Variants in CECR2 observed in about 807,000 individuals in gnomAD.
CECR2 encodes the protein CECR2 histone acetyl-lysine reader.
A neutral mutation model predicts 154.5 loss-of-function variants in CECR2; 30 were observed. That is an observed-to-expected ratio of 0.19 (90% confidence interval 0.15 to 0.26). CECR2 has a LOEUF of 0.26. Among genes scored for constraint, CECR2 ranks in the 10% least tolerant of loss-of-function variants. The pLI, the probability that CECR2 is intolerant of heterozygous loss-of-function variation, is 1.00. For missense variants in CECR2, 1,743 were observed against 1,829.3 expected (o/e 0.95, Z 0.86); for synonymous variants, 725 against 683.7 (o/e 1.06, Z -0.94).
In CECR2 at chr22:17,475,827, C is replaced by T. The variant is rs547984366; in HGVS notation, c.127-1761C>T. Among the ~76,000 whole-genome samples, 3 of 152,118 alleles carry T rather than the reference C, an allele frequency of 2.0e-5. No individual in the cohort carries two copies. The East Asian group carries it at 5.8e-4, about 29-fold the overall frequency. On this transcript the variant is annotated intron_variant, in intron 1 of 18. Coordinates refer to ENST00000262608, the MANE Select transcript of CECR2 (RefSeq NM_001290047.2). ...TTTACTTGTGGCAGATCTTGAATTCCTATTTCTCCGTTCTCTCATTTAGTA... is the reference window on the plus strand; with the variant it reads ...TTTACTTGTGGCAGATCTTGAATTCTTATTTCTCCGTTCTCTCATTTAGTA...
At chr22:17,408,553 A>G (rs948539467) in intron 1 of CECR2, among the ~76,000 whole-genome samples, 1 of 152,096 alleles carries the variant, frequency 6.6e-6, no homozygotes, top group East Asian at 1.9e-4. Flanking sequence ...TTTTAATCCT[A>G]CACTGATTGC....
intron 8 of CECR2, among the ~76,000 whole-genome samples, chr22:17,522,533 G>A (rs1051046340): frequency 6.6e-6 from 1 of 152,152 alleles, no homozygotes; most frequent in Non-Finnish European, 1.5e-5. Context: ...TCTGGCTATA[G>A]GATAAAGATT....
chr22:17,552,051 A>G lies in CECR2; in HGVS notation c.4298A>G (p.Gln1433Arg). The G allele has an allele frequency of 2.5e-6, 4 of 1,614,026 alleles. No individual in the cohort carries two copies. The highest frequency in any genetic ancestry group is 2.5e-6 in the Non-Finnish European group (3 of 1,179,906). The change falls in exon 18 of 19, where the codon CAG becomes CGG. Residue 1433 changes from glutamine to arginine, a missense_variant. Gln to Arg is a conservative substitution (Grantham distance 43). Around this residue, in one of 4 missense-constraint regions of CECR2, gnomAD observed 1,250 missense variants for 1,192.1 expected, o/e 1.05. Coordinates refer to ENST00000262608, the MANE Select transcript of CECR2 (RefSeq NM_001290047.2). ...RPSGMQMHPV[Q>R]SQASFPKTPT... ...TGTAGAATGCAGATGCACCCGGTCC[A>G]GTCGCAGGCCTCGTTCCCAAAGACC...
At position 17,540,556 on chromosome 22, in the gene CECR2, G is replaced by A; in HGVS notation, c.1640G>A (p.Arg547Gln). 3.1e-6 allele frequency: 5 copies of A among 1,612,686 alleles called. No homozygotes were observed. Among genetic ancestry groups the A allele is most frequent in the African/African-American group, 1.3e-5 (1 of 75,060 alleles). Residue 547 changes from arginine (R) to glutamine (Q), a missense_variant, in exon 14 of 19, where the codon CGA becomes CAA. Coordinates refer to ENST00000262608, the MANE Select transcript of CECR2 (RefSeq NM_001290047.2). ...GAGAAAAGACGGAGTCGGGCTGGGC[G>A]AAGTGGTGGGAGCCATGTTTGGACC... is the stretch of plus-strand genomic sequence containing the variant. ...KREKRRSRAG[R>Q]SGGSHVWTRS...
intron 1 of CECR2, among the ~76,000 whole-genome samples, chr22:17,376,034 A>T (rs2063115422): frequency 6.6e-6 from 1 of 152,190 alleles, no homozygotes; most frequent in African/African-American, 2.4e-5. Flanking sequence ...AATGCCTTCT[A>T]AAGATTCAGG....
rs186750223 is a variant in CECR2, at chr22:17,451,017, C to T, written c.127-26571C>T. Among the ~76,000 whole-genome samples, 32 of 152,348 alleles carry T rather than the reference C, an allele frequency of 2.1e-4. No homozygotes were observed. The East Asian group carries it at 6.0e-3, about 28-fold the overall frequency. On this transcript the variant is annotated intron_variant, in intron 1 of 18. Transcript: ENST00000262608. ...AGCTAGAGTAATGAACGTGTCAGAG[C>T]CTGACCTGCTTATAAGCGTTCCCAC...
rs537957035 is a variant in CECR2, at chr22:17,503,103, C to G, written c.672C>G (p.Ser224=). The G allele has an allele frequency of 1.2e-6, 2 of 1,610,096 alleles. No homozygotes were observed. Among genetic ancestry groups the G allele is most frequent in the East Asian group, 4.5e-5 (2 of 44,734 alleles). The change falls in exon 6 of 19, where the codon TCC becomes TCG. Residue 224 remains serine (S), a synonymous_variant. Transcript: ENST00000262608. ...TCAGTGAAAAGCAGGAAGAAAATTC[C>G]TTGGCATCCGAGCCACAGACAAGAC... ...ILLSEKQEEN[S]LASEPQTRHG... is the part of the protein sequence containing the mutation.
intron 1 of CECR2, among the ~76,000 whole-genome samples, chr22:17,413,796 C>G (rs2054102713): frequency 6.6e-6 from 1 of 150,920 alleles, no homozygotes; most frequent in South Asian, 2.1e-4. Flanking sequence ...CCTGCCTCAG[C>G]TTCCCGAGTA....
Position 17,555,724 on chromosome 22 carries a change from A to G in CECR2, c.*2884A>G, listed in dbSNP as rs1288098841. The G allele has an allele frequency of 1.3e-5, 2 of 152,218 alleles. No homozygotes were observed. The highest frequency in any genetic ancestry group is 2.9e-5 in the Non-Finnish European group (2 of 68,038). 9.4% of individuals were successfully genotyped at this position (152,218 alleles called of 1,614,324 possible). On this transcript the variant is annotated 3_prime_UTR_variant, in exon 19 of 19. Coordinates refer to ENST00000262608, the MANE Select transcript of CECR2 (RefSeq NM_001290047.2). ...ATATTTAGGAAGTAGTGTGTAAGGT[A>G]TCCTGAAAAGGTTTGCTCTCAAGCT...
rs771321397 is a variant in CECR2, at chr22:17,540,624, A to T, written c.1708A>T (p.Met570Leu). 1.2e-6 allele frequency: 2 copies of T among 1,613,750 alleles called. No homozygotes were observed. The highest frequency in any genetic ancestry group is 2.2e-5 in the South Asian group (2 of 91,000). Residue 570 changes from methionine (M) to leucine (L), a missense_variant, in exon 14 of 19, where the codon ATG becomes TTG. Physicochemically the swap from Met to Leu is conservative, Grantham distance 15. This residue lies in a region of CECR2 where 1,250 missense variants were observed against 1,192.1 expected (regional missense o/e 1.05). Transcript: ENST00000262608. ...AGGGTCCAGCAGGAAACAGCAGCCCATGGAGAATGGAGGAAAGTCGTTGCC... is the reference window on the plus strand; with the variant it reads ...AGGGTCCAGCAGGAAACAGCAGCCCTTGGAGAATGGAGGAAAGTCGTTGCC... ...PEGSSRKQQP[M>L]ENGGKSLPPT...
intron 6 of CECR2, among the ~76,000 whole-genome samples, chr22:17,504,282 G>A (rs2055793938): frequency 6.6e-6 from 1 of 151,714 alleles, no homozygotes; most frequent in African/African-American, 2.4e-5. Context: ...TGCTGAGATG[G>A]GAAGATGGCT....
intron 1 of CECR2, among the ~76,000 whole-genome samples, chr22:17,378,109 G>T (rs908206002): frequency 1.3e-5 from 2 of 151,060 alleles, no homozygotes; most frequent in African/African-American, 4.9e-5. Context: ...TCAGCCTCCT[G>T]AGTAGCTGGG....
chr22:17,546,485 CAAA>C (rs35754406), intron 16 of CECR2, among the ~76,000 whole-genome samples: 2 of 67,646 alleles, frequency 3.0e-5, no homozygotes, highest in South Asian at 5.8e-4. Context: ...GACTCTGTCT[CAAA>C]AAAAAAAAAA....
chr22:17,380,401 A>G (rs1372297447), intron 1 of CECR2, among the ~76,000 whole-genome samples: 7 of 152,236 alleles, frequency 4.6e-5, no homozygotes, highest in Admixed American at 1.3e-4. Flanking sequence ...TGGCCTTTAC[A>G]AAAGACATTG....
rs1310130562 is a variant in CECR2, at chr22:17,505,111, G to C, written c.870+95G>C. On this transcript the variant is annotated intron_variant, in intron 7 of 18. Transcript: ENST00000262608. ...TGAGACCTTCCCCATACACCCCACTGTCCTGGAAATAGTGCAGTCTTCCAT... is the reference window on the plus strand; with the variant it reads ...TGAGACCTTCCCCATACACCCCACTCTCCTGGAAATAGTGCAGTCTTCCAT... 1.1e-5 allele frequency: 14 copies of C among 1,235,876 alleles called. 1 individual carries two copies. In the South Asian group the frequency reaches 2.0e-4, roughly 18 times the overall value. 76.6% of individuals were successfully genotyped at this position (1,235,876 alleles called of 1,614,324 possible). A position where few individuals can be genotyped will look rare whatever the true frequency, so the allele number is the denominator to read the frequency against.
chr22:17,465,340 G>GT (rs565434867), intron 1 of CECR2, among the ~76,000 whole-genome samples: 46 of 148,130 alleles, frequency 3.1e-4, no homozygotes, highest in African/African-American at 8.0e-4. Context: ...TTTGTTTTTT[G>GT]TTTTTTTGAG....
chr22:17,484,653 C>A (rs1369031463), intron 2 of CECR2, among the ~76,000 whole-genome samples: 2 of 152,098 alleles, frequency 1.3e-5, no homozygotes, highest in Non-Finnish European at 2.9e-5. Flanking sequence ...GTAATCCCAG[C>A]ACTTTGGGAG....
At chr22:17,409,225 C>A (rs973354925) in intron 1 of CECR2, among the ~76,000 whole-genome samples, 4 of 134,318 alleles carry the variant, frequency 3.0e-5, no homozygotes, top group Non-Finnish European at 3.4e-5. Flanking sequence ...CTCCACCTCG[C>A]GGGTTCAAGC....
rs2056765080 is a variant in CECR2, at chr22:17,555,685, T to C, written c.*2845T>C. 1 of 152,162 alleles carries C rather than the reference T, an allele frequency of 6.6e-6. No homozygotes were observed. Among genetic ancestry groups the C allele is most frequent in the Non-Finnish European group, 1.5e-5 (1 of 68,024 alleles). The allele number at this position is 152,162 out of a possible 1,614,324, so 9.4% of individuals were successfully genotyped here. A position where few individuals can be genotyped will look rare whatever the true frequency, so the allele number is the denominator to read the frequency against. On this transcript the variant is annotated 3_prime_UTR_variant, in exon 19 of 19. Transcript: ENST00000262608. ...ATCTTCTCCATTAGGAAAATGATGG[T>C]TATGTGATATGTTATATTTAGGAAG...
Sources: allele counts gnomAD v4.1 joint callset (sites outside exome capture counted in the v4.1 genomes callset), GRCh38; gene constraint gnomAD v4.1.1; regional missense constraint gnomAD v4.1.1; transcripts MANE v1.5; gene names NCBI Gene and HGNC (gene_info 2026-07-23, HGNC 2026-07-21).